Variants in UST observed in about 807,000 individuals in gnomAD.
UST encodes chondroitin sulfate 2-O-sulfotransferase.
In UST, 21 loss-of-function variants were observed where a neutral mutation model predicts 45.6. The ratio of observed to expected loss-of-function variants is 0.46; its 90% confidence interval spans 0.33 to 0.66. The LOEUF (loss-of-function observed/expected upper bound fraction) is 0.66. Among genes scored for constraint, UST ranks in the 30% least tolerant of loss-of-function variants. The probability of loss-of-function intolerance (pLI) is 0.02; values close to 1 mark genes in which losing one functional copy is unlikely to be tolerated. For synonymous variants in UST, 215 were observed against 200.6 expected (o/e 1.07, Z -0.61); for missense variants, 463 against 512.4 (o/e 0.90, Z 0.93).
intron 2 of UST, among the ~76,000 whole-genome samples, chr6:148,936,057 T>C (rs1027676019): frequency 9.2e-5 from 14 of 152,194 alleles, no homozygotes; most frequent in Non-Finnish European, 1.5e-4. Context: ...CTATTTGATT[T>C]GTATATTAAA....
chr6:148,982,667 C>G (rs891550491), intron 5 of UST, among the ~76,000 whole-genome samples: 1 of 152,204 alleles, frequency 6.6e-6, no homozygotes, highest in African/African-American at 2.4e-5. Flanking sequence ...CACCAGTTTA[C>G]TCAAACTAAT....
In UST at chr6:149,030,523, C is replaced by T. The variant is rs185001144; in HGVS notation, c.937+9042C>T. Among the ~76,000 whole-genome samples the T allele has an allele frequency of 1.8e-3, 281 of 151,942 alleles. 1 individual carries two copies. Among genetic ancestry groups the T allele is most frequent in the Admixed American group, 7.2e-3 (110 of 15,254 alleles). On this transcript the variant is annotated intron_variant, in intron 7 of 7. Coordinates refer to ENST00000367463, the MANE Select transcript of UST (RefSeq NM_005715.3). ...AAATATATAGTTTATCTCTGTCCAACGTATCTGTCTGTTCACTAAGAAACA... is the reference window on the plus strand; with the variant it reads ...AAATATATAGTTTATCTCTGTCCAATGTATCTGTCTGTTCACTAAGAAACA...
chr6:148,771,303 TA>T (rs1776419893), intron 1 of UST, among the ~76,000 whole-genome samples: 1 of 152,236 alleles, frequency 6.6e-6, no homozygotes, highest in South Asian at 2.1e-4. Flanking sequence ...TTGAAGATTA[TA>T]GAAGTGGCTC....
chr6:148,967,681 C>G (rs914414022), intron 5 of UST, among the ~76,000 whole-genome samples: 2 of 152,194 alleles, frequency 1.3e-5, no homozygotes, highest in Non-Finnish European at 2.9e-5. Flanking sequence ...CCCCTCCCCT[C>G]GGAGGCCCTT....
In UST at chr6:149,073,615, T is replaced by C. The variant is rs1033830382; in HGVS notation, c.938-218T>C. Among the ~76,000 whole-genome samples the C allele has an allele frequency of 3.9e-5, 6 of 152,226 alleles. 1 individual carries two copies. Among genetic ancestry groups the C allele is most frequent in the Admixed American group, 3.3e-4 (5 of 15,284 alleles). ...TGGTTCACATCTGATGAAAGGAAAT[T>C]TGATAGCTTGTGCTTCGTCAACTCA... On this transcript the variant is annotated intron_variant, in intron 7 of 7. Transcript: ENST00000367463.
chr6:148,880,795 C>T (rs902131584), intron 1 of UST, among the ~76,000 whole-genome samples: 7 of 151,936 alleles, frequency 4.6e-5, no homozygotes, highest in African/African-American at 1.7e-4. Flanking sequence ...TTTGGGAGGC[C>T]AAGGTGGGTG....
intron 1 of UST, among the ~76,000 whole-genome samples, chr6:148,864,267 G>A (rs949656413): frequency 2.6e-5 from 4 of 152,250 alleles, no homozygotes; most frequent in Non-Finnish European, 5.9e-5. Flanking sequence ...TGTGCTAGCA[G>A]CGAGTGAGGC....
At chr6:148,847,505 AG>A (rs1778014991) in intron 1 of UST, among the ~76,000 whole-genome samples, 1 of 152,186 alleles carries the variant, frequency 6.6e-6, no homozygotes, top group Non-Finnish European at 1.5e-5. Flanking sequence ...TTTGAAACCC[AG>A]TCACTCCCTG....
At position 148,832,166 on chromosome 6, in the gene UST, T is replaced by G. The variant is rs11963451; in HGVS notation, c.248-54820T>G. On this transcript the variant is annotated intron_variant, in intron 1 of 7. Transcript: ENST00000367463. ...CCACCACGCCCAGTTAATTTTTGTA[T>G]TTTTAGTAGAGACAGGGTTTCGCCA... Among the ~76,000 whole-genome samples, 175 of 152,322 alleles carry G rather than the reference T, an allele frequency of 1.1e-3. 1 individual carries two copies. Among genetic ancestry groups the G allele is most frequent in the Middle Eastern group, 6.8e-3 (2 of 294 alleles).
rs1748136248 is a variant in UST, at chr6:148,921,637, G to A, written c.292-19642G>A. Among the ~76,000 whole-genome samples, 3 of 152,320 alleles carry A rather than the reference G, an allele frequency of 2.0e-5. No homozygotes were observed. In the South Asian group the frequency reaches 6.2e-4, roughly 32 times the overall value. Reference sequence around the variant, plus strand: ...TTTGGAATGCACACATCCCTGGGAGGAGAGACCCACCAAGCTTTCTGCACT... The same window carrying A: ...TTTGGAATGCACACATCCCTGGGAGAAGAGACCCACCAAGCTTTCTGCACT... On this transcript the variant is annotated intron_variant, in intron 2 of 7. Coordinates refer to ENST00000367463, the MANE Select transcript of UST (RefSeq NM_005715.3).
At chr6:148,819,009 A>G (rs549465698) in intron 1 of UST, among the ~76,000 whole-genome samples, 32 of 152,282 alleles carry the variant, frequency 2.1e-4, no homozygotes, top group African/African-American at 7.7e-4. Context: ...TTGGGGAAAA[A>G]AATGAGTTCA....
chr6:148,847,069 T>G (rs9403990), intron 1 of UST, among the ~76,000 whole-genome samples: 40,717 of 152,222 alleles, frequency 0.27, 6,873 homozygotes, highest in East Asian at 0.69. Context: ...GAAGCCATAA[T>G]GTCTTAGCTT....
At chr6:148,872,171 A>T in intron 1 of UST, among the ~76,000 whole-genome samples, 1 of 152,292 alleles carries the variant, frequency 6.6e-6, no homozygotes, top group Admixed American at 6.5e-5. Flanking sequence ...TTCAAAGACA[A>T]CACTCTTATC....
At chr6:149,031,881 C>T (rs570870377) in intron 7 of UST, among the ~76,000 whole-genome samples, 2 of 152,306 alleles carry the variant, frequency 1.3e-5, no homozygotes, top group African/African-American at 4.8e-5. Context: ...CATTTGTGCC[C>T]GGCCTTAAAG....
At chr6:148,847,927 C>T (rs916390421) in intron 1 of UST, among the ~76,000 whole-genome samples, 2 of 152,132 alleles carry the variant, frequency 1.3e-5, no homozygotes, top group African/African-American at 4.8e-5. Context: ...CTATAATCTC[C>T]CACTGGACAG....
At chr6:148,894,814 C>CTTTTTTTTTTTTT (rs760698349) in intron 2 of UST, among the ~76,000 whole-genome samples, 4 of 93,708 alleles carry the variant, frequency 4.3e-5, no homozygotes, top group African/African-American at 4.5e-5. Flanking sequence ...AATTTCAGTG[C>CTTTTTTTTTTTTT]TTTTTTTTTT....
chr6:148,866,473 G>A (rs113524616), intron 1 of UST, among the ~76,000 whole-genome samples: 57 of 152,126 alleles, frequency 3.7e-4, no homozygotes, highest in African/African-American at 1.3e-3. Flanking sequence ...TTGTTTCCTC[G>A]TCTACAAGAT....
intron 1 of UST, among the ~76,000 whole-genome samples, chr6:148,759,846 TCAA>T (rs1446189509): frequency 2.8e-5 from 1 of 35,358 alleles, no homozygotes; most frequent in African/African-American, 1.1e-4. Flanking sequence ...AGACTCTGTC[TCAA>T]AAAAAAAAAA....
At chr6:149,043,665 C>T (rs1185530930) in intron 7 of UST, among the ~76,000 whole-genome samples, 5 of 152,356 alleles carry the variant, frequency 3.3e-5, no homozygotes, top group African/African-American at 1.2e-4. Flanking sequence ...TGCTGTCAGT[C>T]GGGAGAACTG....
Sources: gnomAD v4.1 joint callset for allele counts (sites outside exome capture counted in the v4.1 genomes callset) on GRCh38, gnomAD v4.1.1 for gene constraint, MANE v1.5 for transcripts, NCBI Gene and HGNC (gene_info 2026-07-23, HGNC 2026-07-21) for gene names.